MEIKIN: variants seen among roughly 807,000 people sequenced by gnomAD.
The protein encoded by MEIKIN is meiotic kinetochore factor.
intron 5 of MEIKIN, among the ~76,000 whole-genome samples, chr5:131,924,824 A>C (rs1367427087): frequency 1.3e-5 from 2 of 152,140 alleles, no homozygotes; most frequent in Non-Finnish European, 2.9e-5. Context: ...GCTGTGCAGA[A>C]GTGATGATGT....
At chr5:131,811,549 C>T (rs747990877) in intron 12 of MEIKIN, among the ~76,000 whole-genome samples, 7 of 151,844 alleles carry the variant, frequency 4.6e-5, no homozygotes, top group South Asian at 2.1e-4. Context: ...TCAGGTAATC[C>T]GCCCACCTCG....
chr5:131,867,343 T>C (rs1750400913), intron 9 of MEIKIN, among the ~76,000 whole-genome samples: 1 of 152,208 alleles, frequency 6.6e-6, no homozygotes, highest in South Asian at 2.1e-4. Context: ...GTCTATTTAT[T>C]ATAATGAATG....
At chr5:131,880,264 ATTTTTTTTTTTTT>A (rs67579794) in intron 8 of MEIKIN, among the ~76,000 whole-genome samples, 1 of 138,322 alleles carries the variant, frequency 7.2e-6, no homozygotes. Flanking sequence ...TAATTTTTGT[ATTTTTTTTTTTTT>A]TTTTTAGTAG....
chr5:131,938,657 T>A (rs1419999983), intron 4 of MEIKIN, among the ~76,000 whole-genome samples: 1 of 152,224 alleles, frequency 6.6e-6, no homozygotes, highest in East Asian at 1.9e-4. Flanking sequence ...TTTTAACAAA[T>A]TTTTTTGTTC....
At chr5:131,810,967 T>C (rs1209134877) in intron 12 of MEIKIN, among the ~76,000 whole-genome samples, 1 of 152,228 alleles carries the variant, frequency 6.6e-6, no homozygotes, top group East Asian at 1.9e-4. Flanking sequence ...GGCTGCTGCA[T>C]GTTTAAAATA....
chr5:131,859,152 T>G (rs909326220), intron 9 of MEIKIN, among the ~76,000 whole-genome samples: 4 of 152,176 alleles, frequency 2.6e-5, no homozygotes, highest in African/African-American at 9.7e-5. Flanking sequence ...ACTATTCACA[T>G]AGCAAAGACA....
chr5:131,856,948 T>TTTTA lies in MEIKIN; in HGVS notation c.775-2118_775-2115dup, dbSNP rs996538713. ...CTGCATTGCTTTCTTTTTTTTTTCT[T>TTTTA]TTTATTTATTTATTTATTTTTATTA... On this transcript the variant is annotated intron_variant, in intron 9 of 12. Transcript: ENST00000442687. Among the ~76,000 whole-genome samples the TTTTA allele has an allele frequency of 5.9e-5, 9 of 151,478 alleles. No individual in the cohort carries two copies. In the East Asian group the frequency reaches 7.7e-4, roughly 13 times the overall value.
At chr5:131,896,921 C>T (rs1751063253) in intron 8 of MEIKIN, among the ~76,000 whole-genome samples, 1 of 152,184 alleles carries the variant, frequency 6.6e-6, no homozygotes, top group African/African-American at 2.4e-5. Flanking sequence ...TTGATCCTGT[C>T]ATTATGATGT....
intron 6 of MEIKIN, among the ~76,000 whole-genome samples, chr5:131,921,378 C>T (rs1168852541): frequency 6.6e-6 from 1 of 150,860 alleles, no homozygotes; most frequent in Non-Finnish European, 1.5e-5. Context: ...CTTGATGTGC[C>T]TGGGAGCAGT....
chr5:131,916,966 C>A, intron 6 of MEIKIN, 41 bp from the exon 7 acceptor site: 1 of 395,318 alleles, frequency 2.5e-6, no homozygotes, highest in South Asian at 1.3e-4. Flanking sequence ...AAATATAATT[C>A]GAAGGCAAAA....
intron 3 of MEIKIN, among the ~76,000 whole-genome samples, chr5:131,944,060 A>G (rs1751919598): frequency 6.6e-6 from 1 of 151,154 alleles, no homozygotes; most frequent in South Asian, 2.1e-4. Context: ...TCAGTGAGCC[A>G]GGACTGTGCC....
rs1363675699 is a variant in MEIKIN at position 131,807,233 on chromosome 5, T to C, written c.*3A>G. The C allele has an allele frequency of 7.5e-6, 3 of 398,404 alleles. No individual in the cohort carries two copies. Among genetic ancestry groups the C allele is most frequent in the Non-Finnish European group, 1.3e-5 (3 of 226,058 alleles). 24.7% of individuals were successfully genotyped at this position (398,404 alleles called of 1,614,324 possible). On this transcript the variant is annotated 3_prime_UTR_variant, in exon 13 of 13. Transcript: ENST00000442687. ...TGGTGAAAATTCAGCCACAGCTGTT[T>C]TTTCATGCCATTTTTATTATGATAT...
chr5:131,922,374 C>A (rs1268757995), intron 5 of MEIKIN, among the ~76,000 whole-genome samples: 13 of 151,974 alleles, frequency 8.6e-5, no homozygotes, highest in Admixed American at 8.5e-4. Context: ...TCAACATATA[C>A]AGCCTTTTTT....
intron 11 of MEIKIN, among the ~76,000 whole-genome samples, chr5:131,820,509 G>A (rs1749477267): frequency 6.6e-6 from 1 of 152,122 alleles, no homozygotes; most frequent in South Asian, 2.1e-4. Flanking sequence ...GTCTTTCTCT[G>A]GTTTTGGTAT....
intron 7 of MEIKIN, among the ~76,000 whole-genome samples, chr5:131,916,163 A>G (rs1365843692): frequency 1.3e-5 from 2 of 152,210 alleles, no homozygotes; most frequent in Non-Finnish European, 2.9e-5. Context: ...TTAAGAAAAT[A>G]TTACATTATA....
At chr5:131,879,314 G>A (rs966476323) in intron 8 of MEIKIN, among the ~76,000 whole-genome samples, 3 of 152,090 alleles carry the variant, frequency 2.0e-5, no homozygotes, top group African/African-American at 7.2e-5. Context: ...AGGGAAAGTC[G>A]CATGTGATTA....
chr5:131,861,948 G>A (rs1459350483), intron 9 of MEIKIN, among the ~76,000 whole-genome samples: 5 of 152,098 alleles, frequency 3.3e-5, no homozygotes, highest in South Asian at 2.1e-4. Context: ...TTGGAATCAG[G>A]GTAATGTTAG....
At chr5:131,875,086 G>C (rs1444207454) in intron 9 of MEIKIN, among the ~76,000 whole-genome samples, 3 of 152,186 alleles carry the variant, frequency 2.0e-5, no homozygotes, top group Non-Finnish European at 4.4e-5. Context: ...ACTGGCACAA[G>C]ACAGGGATGT....
At chr5:131,889,874 G>C (rs1453350911) in intron 8 of MEIKIN, among the ~76,000 whole-genome samples, 1 of 152,160 alleles carries the variant, frequency 6.6e-6, no homozygotes, top group East Asian at 1.9e-4. Flanking sequence ...TTATTATTTT[G>C]AGATACGTCC....
Sources: allele counts gnomAD v4.1 joint callset (sites outside exome capture counted in the v4.1 genomes callset), GRCh38; gene constraint gnomAD v4.1.1; transcripts MANE v1.5; gene names NCBI Gene and HGNC (gene_info 2026-07-23, HGNC 2026-07-21).